The following ADGRD1 variants were observed in gnomAD, a reference collection of about 807,000 sequenced individuals.
ADGRD1 encodes adhesion G protein-coupled receptor D1.
In ADGRD1, 77 loss-of-function variants were observed where a neutral mutation model predicts 113.4. The ratio of observed to expected loss-of-function variants is 0.68; its 90% CI spans 0.57 to 0.82. ADGRD1 has a LOEUF of 0.82. ADGRD1 is among the 40% of genes least tolerant of loss of function. ADGRD1 has a pLI of 0.00. For synonymous variants in ADGRD1, 474 were observed against 475.0 expected (o/e 1.00, Z 0.03); for missense variants, 1,036 against 1,139.1 (o/e 0.91, Z 1.30).
chr12:131,055,245 C>T (rs1883753999), intron 13 of ADGRD1, among the ~76,000 whole-genome samples: 1 of 152,148 alleles, frequency 6.6e-6, no homozygotes, highest in African/African-American at 2.4e-5. Context: ...GTCCCTGAGC[C>T]ACCTCACAAC....
At chr12:131,059,614 T>C (rs1884152883) in intron 13 of ADGRD1, among the ~76,000 whole-genome samples, 1 of 152,252 alleles carries the variant, frequency 6.6e-6, no homozygotes, top group Non-Finnish European at 1.5e-5. Context: ...CCAAATCTGC[T>C]GAGCGCTGAC....
At chr12:131,063,271 A>C (rs1191848056) in intron 13 of ADGRD1, among the ~76,000 whole-genome samples, 1 of 152,302 alleles carries the variant, frequency 6.6e-6, no homozygotes, top group Non-Finnish European at 1.5e-5. Context: ...TCCTTTTAAC[A>C]AGAGTTTTTC....
At chr12:131,101,854 G>A (rs1219107995) in intron 15 of ADGRD1, among the ~76,000 whole-genome samples, 2 of 152,172 alleles carry the variant, frequency 1.3e-5, no homozygotes, top group African/African-American at 2.4e-5. Context: ...TAGAAAGATT[G>A]CATATCCAGT....
chr12:131,120,692 TA>T, intron 19 of ADGRD1, 154 bp from the exon 20 acceptor site: 1 of 744,082 alleles, frequency 1.3e-6, no homozygotes, highest in Non-Finnish European at 2.4e-6. Context: ...TCATCATGGA[TA>T]AAAATACATT....
rs749251168 is a variant in ADGRD1 at position 131,084,629 on chromosome 12, A to G, written c.1637A>G (p.Asn546Ser). Reference sequence around the variant, plus strand: ...GTCTGCCGCTGCACTCACCTCACCAACTTTGCCATCCTCATGCAGGTGGTC... The same window carrying G: ...GTCTGCCGCTGCACTCACCTCACCAGCTTTGCCATCCTCATGCAGGTGGTC... ...YSVCRCTHLT[N>S]FAILMQVVPL... The change falls in exon 15 of 25, where the codon AAC (asparagine) becomes AGC (serine). Residue 546 changes from asparagine to serine, a missense_variant. By Grantham distance (46) the Asn-to-Ser change is conservative. Transcript: ENST00000261654. This position sits in a 1 kb window ranked among gnomAD's most constrained non-coding sequence, Gnocchi z 4.5. 1.2e-6 allele frequency: 2 copies of G among 1,613,806 alleles called. No homozygotes were observed. The highest frequency in any genetic ancestry group is 1.1e-5 in the South Asian group (1 of 91,050).
chr12:131,017,062 G>C (rs748842415), intron 13 of ADGRD1, among the ~76,000 whole-genome samples: 36 of 152,208 alleles, frequency 2.4e-4, no homozygotes, highest in Middle Eastern at 3.4e-3. Flanking sequence ...CATCCCAGAA[G>C]GTGAGGCGGG....
intron 16 of ADGRD1, among the ~76,000 whole-genome samples, chr12:131,105,267 A>G (rs928334169): frequency 2.6e-5 from 4 of 152,266 alleles, no homozygotes; most frequent in Non-Finnish European, 5.9e-5. Context: ...GGGGCTGGAC[A>G]ATAACCAAGT....
At position 130,998,242 on chromosome 12, in the gene ADGRD1, A is replaced by AATTATGTG. The variant is rs1156696264; in HGVS notation, c.967-2140_967-2133dup. On this transcript the variant is annotated intron_variant, in intron 8 of 24. Transcript: ENST00000261654. ...GAGGGAGAGCAGAAATCTTAAATGA[A>AATTATGTG]ATTATGTGCAGACCAAATACAAGAC... Among the ~76,000 whole-genome samples, 4 of 152,076 alleles carry AATTATGTG rather than the reference A, an allele frequency of 2.6e-5. No homozygotes were observed. The East Asian group carries it at 7.8e-4, about 30-fold the overall frequency.
At chr12:131,001,864 T>G (rs1876433614) in intron 9 of ADGRD1, among the ~76,000 whole-genome samples, 1 of 152,232 alleles carries the variant, frequency 6.6e-6, no homozygotes, top group African/African-American at 2.4e-5. Flanking sequence ...CCTGATAATA[T>G]TTGAAAATGT....
At chr12:131,091,539 A>G (rs1886907683) in intron 15 of ADGRD1, among the ~76,000 whole-genome samples, 2 of 152,270 alleles carry the variant, frequency 1.3e-5, no homozygotes, top group South Asian at 2.1e-4. Flanking sequence ...TGAAAAGGAC[A>G]AGACGTAGAC....
In ADGRD1 at chr12:130,966,532, A is replaced by T; in HGVS notation, c.173A>T (p.Gln58Leu). 1 of 1,606,690 alleles carries T rather than the reference A, an allele frequency of 6.2e-7. No homozygotes were observed. Among genetic ancestry groups the T allele is most frequent in the South Asian group, 1.1e-5 (1 of 90,930 alleles). The change falls in exon 3 of 25, where the codon CAG (glutamine) becomes CTG (leucine). Residue 58 changes from glutamine to leucine, a missense_variant. Transcript: ENST00000261654. The surrounding 1 kb of genome is among the most constrained non-coding windows in gnomAD (Gnocchi z 4.6). ...AATGTGGATGGGATCCATGAACTTC[A>T]GGATACAACTGGAGGTAGAGACGCG... The part of the protein sequence containing the change: ...LENVDGIHEL[Q>L]DTTGDIVEGK...
Position 131,120,734 on chromosome 12 carries a change from C to T in ADGRD1, c.2109-113C>T, listed in dbSNP as rs1425554708. Reference sequence around the variant, plus strand: ...GGATTAGGAATGTTGTATGACTGCCCCAGGTGGACCCTGTAGCTGAGAAAG... The same window carrying T: ...GGATTAGGAATGTTGTATGACTGCCTCAGGTGGACCCTGTAGCTGAGAAAG... On this transcript the variant is annotated intron_variant, in intron 19 of 24. Transcript: ENST00000261654. 3 of 950,170 alleles carry T rather than the reference C, an allele frequency of 3.2e-6. No homozygotes were observed. The African/African-American group carries it at 4.8e-5, about 15-fold the overall frequency. 58.9% of individuals were successfully genotyped at this position (950,170 alleles called of 1,614,324 possible). A position where few individuals can be genotyped will look rare whatever the true frequency, so the allele number is the denominator to read the frequency against.
chr12:131,045,756 G>C (rs938621864), intron 13 of ADGRD1, among the ~76,000 whole-genome samples: 9 of 152,124 alleles, frequency 5.9e-5, no homozygotes, highest in South Asian at 2.1e-4. Flanking sequence ...GGGGGACAAA[G>C]CACCACAGCT....
chr12:131,021,427 T>C (rs1284354227), intron 13 of ADGRD1, among the ~76,000 whole-genome samples: 3 of 152,184 alleles, frequency 2.0e-5, no homozygotes, highest in Non-Finnish European at 4.4e-5. Flanking sequence ...CTGGTCACTG[T>C]CCGATGCTTC....
intron 13 of ADGRD1, among the ~76,000 whole-genome samples, chr12:131,019,779 A>C (rs965365695): frequency 2.1e-4 from 32 of 151,944 alleles, no homozygotes; most frequent in African/African-American, 6.8e-4. Flanking sequence ...GAGATGCTCC[A>C]GGGAAGGACC....
chr12:131,134,921 T>C (rs1005754894), intron 21 of ADGRD1, among the ~76,000 whole-genome samples: 26 of 152,216 alleles, frequency 1.7e-4, no homozygotes, highest in African/African-American at 6.3e-4. Flanking sequence ...ACCCACAGTC[T>C]ATGAGGGAGA....
chr12:131,102,772 G>A (rs930816516), intron 15 of ADGRD1, among the ~76,000 whole-genome samples: 12 of 152,204 alleles, frequency 7.9e-5, no homozygotes, highest in Admixed American at 5.9e-4. Context: ...CAGCCTGAAG[G>A]TCTTCTCAAA....
At chr12:131,029,423 C>T (rs1183523828) in intron 13 of ADGRD1, among the ~76,000 whole-genome samples, 1 of 152,238 alleles carries the variant, frequency 6.6e-6, no homozygotes, top group Non-Finnish European at 1.5e-5. Context: ...TTTAATTTAC[C>T]CACATCAGAA....
At chr12:131,004,021 C>T (rs10773836) in intron 10 of ADGRD1, among the ~76,000 whole-genome samples, 165 bp from the exon 11 acceptor site, 90,687 of 138,542 alleles carry the variant, frequency 0.65, 29,020 homozygotes, top group East Asian at 0.83. Context: ...CATTGCTTTA[C>T]CCTTTTTTTT....
Sources: allele counts gnomAD v4.1 joint callset (sites outside exome capture counted in the v4.1 genomes callset), GRCh38; gene constraint gnomAD v4.1.1; non-coding constraint Gnocchi (gnomAD v3.1); transcripts MANE v1.5; gene names NCBI Gene and HGNC (gene_info 2026-07-23, HGNC 2026-07-21).